GRHL2: variants seen among roughly 807,000 people sequenced by gnomAD.
GRHL2 encodes grainyhead like transcription factor 2, also known as grainyhead-like protein 2 homolog.
In GRHL2, 21 loss-of-function variants were observed where a neutral mutation model predicts 83.8. That is an observed-to-expected ratio of 0.25 (90% CI 0.18 to 0.36). The LOEUF (loss-of-function observed/expected upper bound fraction) is 0.36, where lower values mean the gene tolerates loss of function less well. GRHL2 is among the 10% of genes least tolerant of loss of function. GRHL2 has a pLI of 1.00. For missense variants in GRHL2, 623 were observed against 781.8 expected (o/e 0.80, Z 2.42); for synonymous variants, 280 against 278.9 (o/e 1.00, Z -0.04).
intron 12 of GRHL2, among the ~76,000 whole-genome samples, chr8:101,641,245 T>C (rs1453444008): frequency 6.6e-6 from 1 of 152,152 alleles, no homozygotes; most frequent in Non-Finnish European, 1.5e-5. Context: ...ATAAATGGAT[T>C]CAGACCCTAC....
chr8:101,657,819 G>A (rs1184757548), intron 14 of GRHL2, among the ~76,000 whole-genome samples: 6 of 141,036 alleles, frequency 4.3e-5, no homozygotes, highest in African/African-American at 1.1e-4. Context: ...TAGCCTGGGC[G>A]ACAGAGCGAA....
chr8:101,675,842 G>A, the GRHL2 span, among the ~76,000 whole-genome samples: 1 of 152,226 alleles, frequency 6.6e-6, no homozygotes, highest in Non-Finnish European at 1.5e-5. Flanking sequence ...AAACAGCATG[G>A]TACTGGTACC....
At chr8:101,664,665 A>G in intron 15 of GRHL2, 147 bp downstream of exon 15, 1 of 669,994 alleles carries the variant, frequency 1.5e-6, no homozygotes, top group Non-Finnish European at 2.7e-6. Context: ...TGCAGAGGAG[A>G]TTGCATTTGG....
At chr8:101,616,678 CCT>C (rs1449430577) in intron 8 of GRHL2, among the ~76,000 whole-genome samples, 1 of 152,164 alleles carries the variant, frequency 6.6e-6, no homozygotes, top group Non-Finnish European at 1.5e-5. Context: ...TGCACACCTG[CCT>C]CTCTGTACAC....
chr8:101,553,048 G>A (rs889025292), intron 3 of GRHL2, among the ~76,000 whole-genome samples: 2 of 152,212 alleles, frequency 1.3e-5, no homozygotes, highest in Admixed American at 1.3e-4. Context: ...GAGGTGAGAT[G>A]CTGGTAAGAT....
At chr8:101,606,874 T>A (rs141253048) in intron 8 of GRHL2, among the ~76,000 whole-genome samples, 1 of 152,222 alleles carries the variant, frequency 6.6e-6, no homozygotes, top group Non-Finnish European at 1.5e-5. Context: ...ATTATCTCAA[T>A]TTTAGTAGCT....
At chr8:101,581,082 C>T (rs1287994244) in intron 7 of GRHL2, among the ~76,000 whole-genome samples, 3 of 152,238 alleles carry the variant, frequency 2.0e-5, no homozygotes, top group South Asian at 4.1e-4. Flanking sequence ...CAGTTCTTGG[C>T]ACCCACCAGG....
At chr8:101,649,372 G>A in intron 13 of GRHL2, 42 bp from the exon 14 acceptor site, 2 of 1,492,540 alleles carry the variant, frequency 1.3e-6, no homozygotes, top group Non-Finnish European at 1.9e-6. Context: ...GTGGAATTGT[G>A]CAGCCCCTCG....
chr8:101,644,509 C>T (rs1813469418), intron 13 of GRHL2, among the ~76,000 whole-genome samples: 1 of 152,212 alleles, frequency 6.6e-6, no homozygotes, highest in South Asian at 2.1e-4. Flanking sequence ...AAGAACGAAA[C>T]TCTTGCTGCG....
intron 1 of GRHL2, 99 bp downstream of exon 1, chr8:101,492,888 ATTTTTCTTTCT>A (rs1049071146): frequency 1.3e-5 from 15 of 1,121,622 alleles, no homozygotes; most frequent in Non-Finnish European, 2.0e-5. Flanking sequence ...TATTGTTGGT[ATTTTTCTTTCT>A]TTTTTCTTTT....
rs79049982 is a variant in GRHL2 at position 101,528,274 on chromosome 8, A to T, written c.21-14967A>T. 3.1e-3 allele frequency among the ~76,000 whole-genome samples: 466 copies of T among 152,302 alleles called. 1 individual carries two copies. Among genetic ancestry groups the T allele is most frequent in the Non-Finnish European group, 5.2e-3 (352 of 68,020 alleles). Reference sequence around the variant, plus strand: ...CAATGCTTTGATTGCTCAGTTTATTAATTCATTTTGTGCTGTCTTTCCTAT... The same window carrying T: ...CAATGCTTTGATTGCTCAGTTTATTTATTCATTTTGTGCTGTCTTTCCTAT... On this transcript the variant is annotated intron_variant, in intron 1 of 15. Coordinates refer to ENST00000646743, the MANE Select transcript of GRHL2 (RefSeq NM_024915.4).
rs117070129 is a variant in GRHL2, at chr8:101,590,811, G to A, written c.1004-8246G>A. 2.2e-4 allele frequency among the ~76,000 whole-genome samples: 33 copies of A among 152,210 alleles called. No individual in the cohort carries two copies. In the East Asian group the frequency reaches 6.2e-3, roughly 28 times the overall value. On this transcript the variant is annotated intron_variant, in intron 7 of 15. Coordinates refer to ENST00000646743, the MANE Select transcript of GRHL2 (RefSeq NM_024915.4). The stretch of plus-strand genomic sequence containing the variant: ...GCCATGGTGTATGTACCTTGAGTCG[G>A]CATTTGTGCCCAGAGCCATTTTCAG...
At chr8:101,603,379 G>A (rs893254399) in intron 8 of GRHL2, among the ~76,000 whole-genome samples, 1 of 152,086 alleles carries the variant, frequency 6.6e-6, no homozygotes, top group Non-Finnish European at 1.5e-5. Context: ...TGGTATTCTT[G>A]CCACAGATCT....
chr8:101,512,081 A>G (rs1810478507), intron 1 of GRHL2, among the ~76,000 whole-genome samples: 1 of 151,948 alleles, frequency 6.6e-6, no homozygotes, highest in Non-Finnish European at 1.5e-5. Context: ...AGTTTATACA[A>G]TGTTTTAATA....
chr8:101,543,441 G>T lies in GRHL2; in HGVS notation c.216+5G>T. 6.2e-7 allele frequency: 1 copy of T among 1,613,584 alleles called. No homozygotes were observed. Among genetic ancestry groups the T allele is most frequent in the Non-Finnish European group, 8.5e-7 (1 of 1,179,546 alleles). On this transcript the variant is annotated splice_donor_5th_base_variant and intron_variant, in intron 2 of 15. Coordinates refer to ENST00000646743, the MANE Select transcript of GRHL2 (RefSeq NM_024915.4). ...CTGCTCTATGACTACTACAAGGTAG[G>T]TCCCCAGCCTCCACTTTTCTCTTCT...
rs1346534875 is a variant in GRHL2, at chr8:101,558,431, C to T, written c.297C>T (p.Gly99=). The change falls in exon 4 of 16, where the codon GGC becomes GGT. Residue 99 remains glycine (G), a synonymous_variant. Coordinates refer to ENST00000646743, the MANE Select transcript of GRHL2 (RefSeq NM_024915.4). ...TTTCAACACACAGAAACTGCCTTGG[C>T]ACCAGTGAAGCCCAGAGTAATTTGA... is the stretch of plus-strand genomic sequence containing the variant. ...QEDQEKRNCL[G]TSEAQSNLSG... 6.2e-7 allele frequency: 1 copy of T among 1,614,108 alleles called. No homozygotes were observed. Among genetic ancestry groups the T allele is most frequent in the Admixed American group, 1.7e-5 (1 of 60,022 alleles).
At chr8:101,524,177 A>T (rs10955255) in intron 1 of GRHL2, among the ~76,000 whole-genome samples, 1 of 151,994 alleles carries the variant, frequency 6.6e-6, no homozygotes, top group Non-Finnish European at 1.5e-5. Context: ...ATATTAGCAT[A>T]AAGTGATTCA....
rs559989508 is a variant in GRHL2 at position 101,494,245 on chromosome 8, C to T, written c.20+1456C>T. 1.6e-3 allele frequency among the ~76,000 whole-genome samples: 249 copies of T among 152,240 alleles called. 2 individuals are homozygous for T. Among genetic ancestry groups the T allele is most frequent in the African/African-American group, 5.7e-3 (236 of 41,544 alleles). ...ACGAGGGAGGAGTGGGAAGGCCCTG[C>T]GGACCTGTTCAGGGGTGGAGGGGAA... On this transcript the variant is annotated intron_variant, in intron 1 of 15. Coordinates refer to ENST00000646743, the MANE Select transcript of GRHL2 (RefSeq NM_024915.4).
intron 14 of GRHL2, among the ~76,000 whole-genome samples, chr8:101,660,300 T>C (rs1308425397): frequency 1.3e-5 from 2 of 152,218 alleles, no homozygotes; most frequent in Non-Finnish European, 2.9e-5. Context: ...TATCATATCA[T>C]TATATCATAT....
Sources: allele counts gnomAD v4.1 joint callset (sites outside exome capture counted in the v4.1 genomes callset), GRCh38; gene constraint gnomAD v4.1.1; transcripts MANE v1.5; gene names NCBI Gene and HGNC (gene_info 2026-07-23, HGNC 2026-07-21).